The following CNTNAP5 variants were observed in gnomAD, a reference collection of about 807,000 sequenced individuals.
The protein encoded by CNTNAP5 is contactin associated protein family member 5.
CNTNAP5 carries 72 observed loss-of-function variants against 150.2 expected under a neutral mutation model. The ratio of observed to expected loss-of-function variants is 0.48; its 90% CI spans 0.40 to 0.58. The LOEUF (loss-of-function observed/expected upper bound fraction) is 0.58, where lower values mean the gene tolerates loss of function less well. Among genes scored for constraint, CNTNAP5 ranks in the 20% least tolerant of loss-of-function variants. The pLI, the probability that CNTNAP5 is intolerant of heterozygous loss-of-function variation, is 0.00. For synonymous variants in CNTNAP5, 672 were observed against 619.8 expected (o/e 1.08, Z -1.25); for missense variants, 1,636 against 1,626.2 (o/e 1.01, Z -0.10).
intron 4 of CNTNAP5, among the ~76,000 whole-genome samples, chr2:124,422,286 T>C (rs1345552954): frequency 6.6e-6 from 1 of 152,238 alleles, no homozygotes; most frequent in African/African-American, 2.4e-5. Context: ...AGCTCTATAG[T>C]TTCTTCAGAC....
intron 3 of CNTNAP5, among the ~76,000 whole-genome samples, chr2:124,291,444 A>G (rs1688290669): frequency 6.6e-6 from 1 of 151,366 alleles, no homozygotes; most frequent in Non-Finnish European, 1.5e-5. Context: ...GTATGTAATT[A>G]TTTTTATCTA....
At chr2:124,233,442 A>G (rs1248355480) in intron 2 of CNTNAP5, among the ~76,000 whole-genome samples, 1 of 152,160 alleles carries the variant, frequency 6.6e-6, no homozygotes, top group Non-Finnish European at 1.5e-5. Context: ...TTTGGGAAGC[A>G]CTTCTTAGAG....
At chr2:124,233,791 A>C (rs943021636) in intron 2 of CNTNAP5, among the ~76,000 whole-genome samples, 3 of 150,418 alleles carry the variant, frequency 2.0e-5, no homozygotes, top group Admixed American at 6.6e-5. Flanking sequence ...GAGTTTATAT[A>C]TATATATATA....
rs555229995 is a variant in CNTNAP5, at chr2:124,633,860, C to T, written c.1877-13898C>T. On this transcript the variant is annotated intron_variant, in intron 12 of 23. Coordinates refer to ENST00000682447, the MANE Select transcript of CNTNAP5 (RefSeq NM_001367498.1). ...CTGGAAACCACCAAGGCTTATGGCTCGCACCCTTTGAAGCAGCAGCTCAAG... is the reference window on the plus strand; with the variant it reads ...CTGGAAACCACCAAGGCTTATGGCTTGCACCCTTTGAAGCAGCAGCTCAAG... Among the ~76,000 whole-genome samples the T allele has an allele frequency of 3.0e-4, 45 of 152,294 alleles. 1 individual carries two copies. In the South Asian group the frequency reaches 6.4e-3, roughly 22 times the overall value.
chr2:124,692,165 C>T (rs992297517), intron 13 of CNTNAP5, among the ~76,000 whole-genome samples: 8 of 152,076 alleles, frequency 5.3e-5, no homozygotes, highest in African/African-American at 1.9e-4. Context: ...TGTTCCAGCA[C>T]CAGATGAGTG....
chr2:124,419,970 C>CTT (rs1553466668), intron 4 of CNTNAP5, among the ~76,000 whole-genome samples: 2,563 of 62,446 alleles, frequency 0.041, 108 homozygotes, highest in African/African-American at 0.053. Context: ...TTCTCTCTCT[C>CTT]TCTTTCTTTC....
chr2:124,733,680 T>C (rs1680322324), intron 13 of CNTNAP5, among the ~76,000 whole-genome samples: 1 of 152,112 alleles, frequency 6.6e-6, no homozygotes, highest in African/African-American at 2.4e-5. Context: ...GTTTTTTGTT[T>C]CTTTAAATTC....
intron 11 of CNTNAP5, among the ~76,000 whole-genome samples, chr2:124,608,945 G>GA (rs112250706): frequency 0.039 from 4,782 of 121,148 alleles, 68 homozygotes; most frequent in Middle Eastern, 0.069. Flanking sequence ...TCTACCTCAA[G>GA]AAAAAAAAAA....
chr2:124,259,380 G>A (rs1687396292), intron 3 of CNTNAP5, among the ~76,000 whole-genome samples: 1 of 152,122 alleles, frequency 6.6e-6, no homozygotes, highest in Non-Finnish European at 1.5e-5. Context: ...CCCAGTAATG[G>A]GATGGCTGTG....
chr2:124,877,766 C>T (rs1465438473), intron 21 of CNTNAP5, among the ~76,000 whole-genome samples: 1 of 152,012 alleles, frequency 6.6e-6, no homozygotes, highest in Non-Finnish European at 1.5e-5. Context: ...AGATTTTCTT[C>T]ACTGTTACAA....
intron 13 of CNTNAP5, among the ~76,000 whole-genome samples, chr2:124,706,794 GA>G (rs1232879932): frequency 4.1e-3 from 98 of 24,010 alleles, no homozygotes; most frequent in African/African-American, 6.1e-3. Flanking sequence ...AGAAGAAGAA[GA>G]AGGAGGAGGA....
chr2:124,578,330 CA>C (rs556025524), intron 11 of CNTNAP5, among the ~76,000 whole-genome samples: 5,013 of 56,390 alleles, frequency 0.089, 217 homozygotes, highest in African/African-American at 0.22. Flanking sequence ...GACTTTGTCT[CA>C]AAAAAAAAAA....
rs78724910 is a variant in CNTNAP5, at chr2:124,600,368, C to A, written c.1757-9433C>A. On this transcript the variant is annotated intron_variant, in intron 11 of 23. Coordinates refer to ENST00000682447, the MANE Select transcript of CNTNAP5 (RefSeq NM_001367498.1). Reference sequence around the variant, plus strand: ...AGGGAAGCTGAAGGAGAAGGTAGCCCATCTGGAGTAACGCACTAGTAACAT... The same window carrying A: ...AGGGAAGCTGAAGGAGAAGGTAGCCAATCTGGAGTAACGCACTAGTAACAT... Among the ~76,000 whole-genome samples, 270 of 152,116 alleles carry A rather than the reference C, an allele frequency of 1.8e-3. 1 individual carries two copies. Among genetic ancestry groups the A allele is most frequent in the Middle Eastern group, 6.8e-3 (2 of 294 alleles).
chr2:124,517,483 G>C (rs965221061), intron 8 of CNTNAP5, among the ~76,000 whole-genome samples: 1 of 150,750 alleles, frequency 6.6e-6, no homozygotes, highest in African/African-American at 2.4e-5. Context: ...GGGAGGTTGT[G>C]GTGTTGGTAA....
At chr2:124,273,278 A>G (rs886506601) in intron 3 of CNTNAP5, among the ~76,000 whole-genome samples, 29 of 152,218 alleles carry the variant, frequency 1.9e-4, no homozygotes, top group African/African-American at 6.5e-4. Flanking sequence ...ATAGTGAGAG[A>G]CATTATACAT....
At chr2:124,828,735 CAAAAAAAAAAAAAAAA>C (rs60339676) in intron 19 of CNTNAP5, among the ~76,000 whole-genome samples, 328 of 23,108 alleles carry the variant, frequency 0.014, 3 homozygotes, top group African/African-American at 0.038. Context: ...CAAGTGTTGG[CAAAAAAAAAAAAAAAA>C]AAAAAAAAAA....
intron 10 of CNTNAP5, among the ~76,000 whole-genome samples, chr2:124,547,549 C>A (rs754838115): frequency 3.0e-4 from 45 of 152,120 alleles, no homozygotes; most frequent in Non-Finnish European, 5.7e-4. Context: ...ATGATTTGAT[C>A]AAGGGGCTCC....
At chr2:124,812,728 G>C (rs991287892) in intron 19 of CNTNAP5, among the ~76,000 whole-genome samples, 1 of 152,054 alleles carries the variant, frequency 6.6e-6, no homozygotes, top group Non-Finnish European at 1.5e-5. Flanking sequence ...TCTTTGAGTT[G>C]TCTTGCCTTT....
At chr2:124,773,939 T>TGA (rs1681263520) in intron 17 of CNTNAP5, among the ~76,000 whole-genome samples, 1 of 147,102 alleles carries the variant, frequency 6.8e-6, no homozygotes, top group African/African-American at 2.6e-5. Flanking sequence ...TGTGTGTGTG[T>TGA]GTGTGTGTGA....
Sources: allele counts gnomAD v4.1 joint callset (sites outside exome capture counted in the v4.1 genomes callset), GRCh38; gene constraint gnomAD v4.1.1; transcripts MANE v1.5; gene names NCBI Gene and HGNC (gene_info 2026-07-23, HGNC 2026-07-21).